The following FAM83B variants were observed in gnomAD, a reference collection of about 807,000 sequenced individuals.
The protein encoded by FAM83B is scaffolding CK1 anchoring protein B.
In FAM83B, 26 loss-of-function variants were observed where a neutral mutation model predicts 38.8. The ratio of observed to expected loss-of-function variants is 0.67; its 90% confidence interval spans 0.49 to 0.93. FAM83B has a LOEUF of 0.93. Ranked by LOEUF, FAM83B falls within the 40% of genes least tolerant of loss-of-function variation. FAM83B has a pLI of 0.00. For synonymous variants in FAM83B, 419 were observed against 423.1 expected, an observed-to-expected ratio of 0.99 and a Z score of 0.12; for missense variants, 1,237 against 1,197.3, an observed-to-expected ratio of 1.03 and a Z score of -0.49.
rs763596819 is a variant in FAM83B at position 54,870,284 on chromosome 6, A to G, written c.38A>G (p.Glu13Gly). Reference sequence around the variant, plus strand: ...TCAATGCTTTCCTCATTGAATGATGAGTGTAAATCTGACAACTACATTGAG... The same window carrying G: ...TCAATGCTTTCCTCATTGAATGATGGGTGTAAATCTGACAACTACATTGAG... ...TSSMLSSLND[E>G]CKSDNYIEPH... Residue 13 changes from glutamate to glycine, a missense_variant, in exon 2 of 5, where the codon GAG becomes GGG. By Grantham distance (98) the Glu-to-Gly change is moderately conservative. Coordinates refer to ENST00000306858, the MANE Select transcript of FAM83B (RefSeq NM_001010872.3). The G allele has an allele frequency of 1.9e-6, 3 of 1,613,858 alleles. No homozygotes were observed. The highest frequency in any genetic ancestry group is 2.5e-6 in the Non-Finnish European group (3 of 1,179,812).
chr6:54,930,001 TAAA>T (rs1773386276), intron 4 of FAM83B, among the ~76,000 whole-genome samples: 1 of 152,134 alleles, frequency 6.6e-6, no homozygotes, highest in South Asian at 2.1e-4. Flanking sequence ...TTTCATCCCT[TAAA>T]TAACATGATT....
chr6:54,853,894 A>G (rs60501697), intron 1 of FAM83B, among the ~76,000 whole-genome samples: 1,952 of 152,346 alleles, frequency 0.013, 40 homozygotes, highest in African/African-American at 0.044. Context: ...GAAAGAAATC[A>G]CCATTCTACA....
At chr6:54,858,044 A>C (rs1024921620) in intron 1 of FAM83B, among the ~76,000 whole-genome samples, 2 of 152,204 alleles carry the variant, frequency 1.3e-5, no homozygotes, top group African/African-American at 4.8e-5. Flanking sequence ...CTAGAGGAGA[A>C]GGGAGCAGTG....
Position 54,856,238 on chromosome 6 carries a change from A to G in FAM83B, c.-61+9412A>G, listed in dbSNP as rs187804385. Among the ~76,000 whole-genome samples, 20 of 152,322 alleles carry G rather than the reference A, an allele frequency of 1.3e-4. No individual in the cohort carries two copies. In the East Asian group the frequency reaches 3.3e-3, roughly 25 times the overall value. The stretch of plus-strand genomic sequence containing the variant: ...ACCCATATGTAAATTGTGCAGAGCG[A>G]TAAGTCAACCAGTGATAGCTGCAAT... On this transcript the variant is annotated intron_variant, in intron 1 of 4. Coordinates refer to ENST00000306858, the MANE Select transcript of FAM83B (RefSeq NM_001010872.3).
intron 1 of FAM83B, among the ~76,000 whole-genome samples, chr6:54,862,471 A>C (rs1460347191): frequency 6.6e-6 from 1 of 152,150 alleles, no homozygotes; most frequent in Non-Finnish European, 1.5e-5. Context: ...AACAGACTTG[A>C]GTTCTTACCC....
chr6:54,877,529 T>A (rs1772028349), intron 2 of FAM83B, among the ~76,000 whole-genome samples: 1 of 152,242 alleles, frequency 6.6e-6, no homozygotes, highest in Non-Finnish European at 1.5e-5. Flanking sequence ...TAGTCACTCT[T>A]CAAATTATCT....
At chr6:54,884,454 C>T (rs1441170003) in intron 2 of FAM83B, among the ~76,000 whole-genome samples, 1 of 148,298 alleles carries the variant, frequency 6.7e-6, no homozygotes, top group African/African-American at 2.5e-5. Context: ...TGCACTCCAG[C>T]CTGTGCAACA....
intron 1 of FAM83B, among the ~76,000 whole-genome samples, chr6:54,860,595 A>G (rs770974843): frequency 6.6e-6 from 1 of 152,208 alleles, no homozygotes; most frequent in Non-Finnish European, 1.5e-5. Context: ...AAAGAGATCT[A>G]TGGAACAGAA....
intron 2 of FAM83B, among the ~76,000 whole-genome samples, chr6:54,884,467 G>A (rs1207495630): frequency 2.8e-5 from 4 of 143,640 alleles, no homozygotes; most frequent in African/African-American, 1.1e-4. Context: ...GTGCAACAGA[G>A]TGAGACTCTG....
intron 2 of FAM83B, among the ~76,000 whole-genome samples, chr6:54,924,359 A>AC (rs1773240129): frequency 6.6e-6 from 1 of 151,150 alleles, no homozygotes; most frequent in African/African-American, 2.4e-5. Flanking sequence ...ATTCAGCTCT[A>AC]CCCCCAACTA....
chr6:54,940,383 A>G lies in FAM83B; in HGVS notation c.1412A>G (p.Asp471Gly), dbSNP rs1460299026. ...GTTCGGAGGTCTTTTAATGGGACAG[A>G]TAACCATATCCGCTTTTTGCAACAA... Reference protein sequence around the residue: ...SNVRRSFNGTDNHIRFLQQRM... With the variant: ...SNVRRSFNGTGNHIRFLQQRM... Residue 471 changes from aspartate (D) to glycine (G), a missense_variant, in exon 5 of 5, where the codon GAT becomes GGT. Physicochemically the swap from Asp to Gly is moderately conservative, Grantham distance 94 (BLOSUM62 -1). Coordinates refer to ENST00000306858, the MANE Select transcript of FAM83B (RefSeq NM_001010872.3). 4 of 1,614,004 alleles carry G rather than the reference A, an allele frequency of 2.5e-6. No homozygotes were observed. Among genetic ancestry groups the G allele is most frequent in the Non-Finnish European group, 3.4e-6 (4 of 1,180,020 alleles).
intron 4 of FAM83B, among the ~76,000 whole-genome samples, chr6:54,934,538 C>A (rs189904701): frequency 6.6e-6 from 1 of 152,078 alleles, no homozygotes. Context: ...ATTTGGAATG[C>A]AGTCAGAATA....
intron 1 of FAM83B, among the ~76,000 whole-genome samples, chr6:54,859,381 A>T (rs1307446688): frequency 6.6e-6 from 1 of 151,924 alleles, no homozygotes; most frequent in African/African-American, 2.4e-5. Context: ...GATTTTTTTT[A>T]ATTTATTTTT....
At chr6:54,853,929 A>G (rs1026848749) in intron 1 of FAM83B, among the ~76,000 whole-genome samples, 1 of 152,224 alleles carries the variant, frequency 6.6e-6, no homozygotes, top group Non-Finnish European at 1.5e-5. Flanking sequence ...TTTGTGATCC[A>G]TGGGAGGCGG....
Position 54,941,664 on chromosome 6 carries a change from A to T in FAM83B, c.2693A>T (p.Asp898Val). The T allele has an allele frequency of 6.2e-7, 1 of 1,614,098 alleles. No homozygotes were observed. Among genetic ancestry groups the T allele is most frequent in the East Asian group, 2.2e-5 (1 of 44,874 alleles). ...RFNTEQIQYR[D>V]SREINAVVTP... ...AACACTGAACAGATCCAATACCGAG[A>T]TTCAAGGGAGATTAATGCAGTTGTT... Residue 898 changes from aspartate (D) to valine (V), a missense_variant, in exon 5 of 5, where the codon GAT becomes GTT. By Grantham distance (152) the Asp-to-Val change is radical. Coordinates refer to ENST00000306858, the MANE Select transcript of FAM83B (RefSeq NM_001010872.3).
chr6:54,927,626 C>A lies in FAM83B; in HGVS notation c.728C>A (p.Ser243Tyr). 6.3e-7 allele frequency: 1 copy of A among 1,580,392 alleles called. No individual in the cohort carries two copies. The highest frequency in any genetic ancestry group is 1.1e-5 in the South Asian group (1 of 87,518). Residue 243 changes from serine to tyrosine, a missense_variant, in exon 4 of 5, where the codon TCT becomes TAT. Coordinates refer to ENST00000306858, the MANE Select transcript of FAM83B (RefSeq NM_001010872.3). ...GACTGCCAGAAAGTGATGTACGGTT[C>A]TTACAGGTAAGATCATTGTGTTTAA... ...LVDCQKVMYG[S>Y]YSYMWSFEKA...
chr6:54,896,745 A>G (rs1772546755), intron 2 of FAM83B, among the ~76,000 whole-genome samples: 1 of 152,202 alleles, frequency 6.6e-6, no homozygotes, highest in South Asian at 2.1e-4. Flanking sequence ...ATTTCTGAGA[A>G]GTCAGGAAAG....
In FAM83B at chr6:54,940,457, A is replaced by T. The variant is rs1773645957; in HGVS notation, c.1486A>T (p.Arg496Ter). ...HTTKSFLRNW[R>*]IESYLNDHSE... ...CACAAAGTCATTCCTACGTAACTGG[A>T]GAATTGAATCCTACTTAAATGATCA... Residue 496 changes from arginine to a stop codon, truncating the protein, a stop_gained, in exon 5 of 5, where the codon AGA (arginine) becomes TGA (stop). Transcript: ENST00000306858. LOFTEE classifies it low-confidence loss of function (END_TRUNC). 6 of 1,614,006 alleles carry T rather than the reference A, an allele frequency of 3.7e-6. No individual in the cohort carries two copies. The highest frequency in any genetic ancestry group is 5.1e-6 in the Non-Finnish European group (6 of 1,180,024).
intron 2 of FAM83B, among the ~76,000 whole-genome samples, chr6:54,908,061 A>G (rs1021916197): frequency 6.6e-6 from 1 of 151,964 alleles, no homozygotes; most frequent in Admixed American, 6.6e-5. Context: ...ATACTTTCAA[A>G]ATAACAGGGC....
Sources: allele counts gnomAD v4.1 joint callset (sites outside exome capture counted in the v4.1 genomes callset), GRCh38; gene constraint gnomAD v4.1.1; transcripts MANE v1.5; gene names NCBI Gene and HGNC (gene_info 2026-07-23, HGNC 2026-07-21).